Variants in KCTD5 observed in about 807,000 individuals in gnomAD.
KCTD5 encodes potassium channel tetramerization domain containing 5.
Under a neutral mutation model 27.9 loss-of-function variants are expected in KCTD5, and 12 were observed. The ratio of observed to expected loss-of-function variants is 0.43; its 90% CI spans 0.28 to 0.70. The LOEUF (loss-of-function observed/expected upper bound fraction) is 0.70. Ranked by LOEUF, KCTD5 falls within the 30% of genes least tolerant of loss-of-function variation. The probability of loss-of-function intolerance (pLI) is 0.19; values close to 1 mark genes in which losing one functional copy is unlikely to be tolerated. For missense variants in KCTD5, 226 were observed against 274.8 expected (o/e 0.82, Z 1.26); for synonymous variants, 147 against 121.4 (o/e 1.21, Z -1.39).
chr16:2,686,600 G>A (rs1458041978), intron 1 of KCTD5, among the ~76,000 whole-genome samples: 1 of 70,452 alleles, frequency 1.4e-5, no homozygotes, highest in South Asian at 5.4e-4. Flanking sequence ...GGGAGGCTTC[G>A]GTTCCTGCAG....
chr16:2,682,701 C>T lies in KCTD5; in HGVS notation c.153C>T (p.Gly51=), dbSNP rs777941994. 1.2e-6 allele frequency: 2 copies of T among 1,609,986 alleles called. No homozygotes were observed. Among genetic ancestry groups the T allele is most frequent in the South Asian group, 2.2e-5 (2 of 90,536 alleles). The change falls in exon 1 of 6, where the codon GGC becomes GGT. Residue 51 remains glycine (G), a synonymous_variant. Coordinates refer to ENST00000301738, the MANE Select transcript of KCTD5 (RefSeq NM_018992.4). ...SVSKWVRLNV[G]GTYFLTTRQT... is the part of the protein sequence containing the mutation. ...CCAAGTGGGTCCGACTCAACGTCGG[C>T]GGCACCTACTTCCTCACCACTCGGC...
At chr16:2,704,555 C>T (rs1277165060) in intron 5 of KCTD5, among the ~76,000 whole-genome samples, 1 of 152,276 alleles carries the variant, frequency 6.6e-6, no homozygotes, top group Non-Finnish European at 1.5e-5. Flanking sequence ...AGACTCAAGG[C>T]CGCCATTTAT....
At position 2,699,005 on chromosome 16, in the gene KCTD5, T is replaced by G. The variant is rs147299472; in HGVS notation, c.454-816T>G. Among the ~76,000 whole-genome samples, 539 of 152,232 alleles carry G rather than the reference T, an allele frequency of 3.5e-3. 1 individual carries two copies. Among genetic ancestry groups the G allele is most frequent in the Middle Eastern group, 0.017 (5 of 294 alleles). On this transcript the variant is annotated intron_variant, in intron 3 of 5. Coordinates refer to ENST00000301738, the MANE Select transcript of KCTD5 (RefSeq NM_018992.4). ...CCAGCCTTGCTGTGACACAGTAGCA[T>G]CTCACTGTCTTGCAGAATAAAGCAA... is the stretch of plus-strand genomic sequence containing the variant.
intron 2 of KCTD5, chr16:2,697,371 C>G (rs939857935): frequency 3.2e-5 from 5 of 154,432 alleles, no homozygotes; most frequent in African/African-American, 1.2e-4. Context: ...GGAAGTGACC[C>G]TCTCAGCCAG....
At chr16:2,699,401 CT>C in intron 3 of KCTD5, 1 of 358,270 alleles carries the variant, frequency 2.8e-6, no homozygotes, top group South Asian at 2.1e-5. Flanking sequence ...GTTCAAGAGC[CT>C]TTTTCTGGTA....
chr16:2,698,044 G>A, intron 3 of KCTD5, 47 bp downstream of exon 3: 1 of 1,418,200 alleles, frequency 7.1e-7, no homozygotes, highest in Non-Finnish European at 1.0e-6. Flanking sequence ...TGGTGTGAAG[G>A]AAGGGCTCCC....
chr16:2,699,771 G>C (rs1394815695), intron 3 of KCTD5, 50 bp from the exon 4 acceptor site: 1 of 1,544,538 alleles, frequency 6.5e-7, no homozygotes, highest in Non-Finnish European at 8.9e-7. Flanking sequence ...GCCACAGGCA[G>C]CAGTGGGACA....
intron 2 of KCTD5, among the ~76,000 whole-genome samples, chr16:2,696,847 C>T (rs1261505555): frequency 2.6e-5 from 4 of 152,260 alleles, no homozygotes; most frequent in Non-Finnish European, 4.4e-5. Flanking sequence ...ATGATCCCCA[C>T]TCCTGTCTCT....
chr16:2,688,227 A>AT (rs1491400989), intron 1 of KCTD5, among the ~76,000 whole-genome samples: 313 of 80,232 alleles, frequency 3.9e-3, no homozygotes, highest in African/African-American at 8.7e-3. Context: ...ATAAATAAAT[A>AT]AATATATATA....
At chr16:2,706,090 G>A (rs73494263) in intron 5 of KCTD5, among the ~76,000 whole-genome samples, 4,439 of 152,310 alleles carry the variant, frequency 0.029, 236 homozygotes, top group African/African-American at 0.1. Context: ...CGCACAGGGG[G>A]ATGGGCTCCT....
intron 3 of KCTD5, among the ~76,000 whole-genome samples, chr16:2,698,848 C>T (rs2067598404): frequency 6.6e-6 from 1 of 152,220 alleles, no homozygotes; most frequent in South Asian, 2.1e-4. Context: ...GCGTCCCGCG[C>T]CCCGGGTCAC....
intron 5 of KCTD5, 39 bp downstream of exon 5, chr16:2,702,517 G>A: frequency 1.2e-6 from 2 of 1,605,746 alleles, no homozygotes; most frequent in Non-Finnish European, 1.7e-6. Context: ...GCAGTCTTGG[G>A]TGGGGAAGGC....
At chr16:2,697,696 C>A (rs2067592476) in intron 2 of KCTD5, among the ~76,000 whole-genome samples, 2 of 152,358 alleles carry the variant, frequency 1.3e-5, no homozygotes, top group South Asian at 4.1e-4. Flanking sequence ...TCGGCCCTCT[C>A]ACCACGGCCC....
rs551391279 is a variant in KCTD5 at position 2,690,998 on chromosome 16, G to T, written c.253-4937G>T. Among the ~76,000 whole-genome samples, 116 of 152,352 alleles carry T rather than the reference G, an allele frequency of 7.6e-4. 3 individuals carry two copies. The South Asian group carries it at 0.015, about 20-fold the overall frequency. On this transcript the variant is annotated intron_variant, in intron 1 of 5. Coordinates refer to ENST00000301738, the MANE Select transcript of KCTD5 (RefSeq NM_018992.4). ...GGCCCTCGCGCCTGGGCTGGGCACT[G>T]TCTGGGCCTGGGCTGGCACCACGAG... is the stretch of plus-strand genomic sequence containing the variant.
chr16:2,696,776 G>T (rs147336406), intron 2 of KCTD5, among the ~76,000 whole-genome samples: 6 of 152,254 alleles, frequency 3.9e-5, no homozygotes, highest in Non-Finnish European at 8.8e-5. Flanking sequence ...CCGAGTTCAC[G>T]CGGGGCGTGG....
intron 1 of KCTD5, 185 bp downstream of exon 1, chr16:2,682,985 G>T: frequency 3.2e-6 from 2 of 627,384 alleles, no homozygotes; most frequent in Non-Finnish European, 2.5e-6. Flanking sequence ...TGGGAGGGGA[G>T]GGTGAGGATG....
At chr16:2,699,709 G>C in intron 3 of KCTD5, 112 bp from the exon 4 acceptor site, 1 of 902,384 alleles carries the variant, frequency 1.1e-6, no homozygotes. Context: ...CTCGTGCCCT[G>C]TGCTGAGAAC....
intron 1 of KCTD5, chr16:2,683,873 C>T (rs2067528904): frequency 6.9e-6 from 1 of 145,660 alleles, no homozygotes; most frequent in South Asian, 2.1e-4. Context: ...AGACCATTCT[C>T]AGCATGGCAT....
At chr16:2,693,365 A>G (rs1283135438) in intron 1 of KCTD5, among the ~76,000 whole-genome samples, 1 of 152,226 alleles carries the variant, frequency 6.6e-6, no homozygotes, top group Admixed American at 6.5e-5. Flanking sequence ...CTGTGGCCAG[A>G]CTGAGGTCAG....
Sources: allele counts gnomAD v4.1 joint callset (sites outside exome capture counted in the v4.1 genomes callset), GRCh38; gene constraint gnomAD v4.1.1; transcripts MANE v1.5; gene names NCBI Gene and HGNC (gene_info 2026-07-23, HGNC 2026-07-21).